Variants in TFCP2L1 observed in about 807,000 individuals in gnomAD.
TFCP2L1 encodes the protein transcription factor CP2 like 1.
A neutral mutation model predicts 72.2 loss-of-function variants in TFCP2L1; 12 were observed. That is an observed-to-expected ratio of 0.17 (90% CI 0.11 to 0.27). The LOEUF (loss-of-function observed/expected upper bound fraction) is 0.27. Ranked by LOEUF, TFCP2L1 falls within the 10% of genes least tolerant of loss-of-function variation. The probability of loss-of-function intolerance (pLI) is 1.00; values close to 1 mark genes in which losing one functional copy is unlikely to be tolerated. For missense variants in TFCP2L1, 488 were observed against 624.6 expected, an observed-to-expected ratio of 0.78 and a Z score of 2.33; for synonymous variants, 260 against 251.0, an observed-to-expected ratio of 1.04 and a Z score of -0.34.
At chr2:121,284,536 G>A (rs1162178384) in intron 1 of TFCP2L1, among the ~76,000 whole-genome samples, 1 of 152,228 alleles carries the variant, frequency 6.6e-6, no homozygotes, top group African/African-American at 2.4e-5. Context: ...GGGAAGTGGG[G>A]CGGCCTGCCC....
chr2:121,239,757 C>T, intron 7 of TFCP2L1, 108 bp from the exon 8 acceptor site: 1 of 1,081,840 alleles, frequency 9.2e-7, no homozygotes, highest in Non-Finnish European at 1.3e-6. Context: ...AGACCCCCAC[C>T]TGTGAAACGC....
chr2:121,242,602 T>TC, intron 6 of TFCP2L1, 133 bp from the exon 7 acceptor site: 1 of 768,560 alleles, frequency 1.3e-6, no homozygotes, highest in Non-Finnish European at 2.2e-6. Context: ...AGCACCTATC[T>TC]CCCCTCCCAT....
Position 121,246,906 on chromosome 2 carries a change from C to T in TFCP2L1, c.569G>A (p.Arg190Gln). ...KHGGEKGVPF[R>Q]VQIDTFKQNE... ...CTGCTTAAACGTGTCAATCTGGACT[C>T]GAAAGGGCACTCCCTTCTCGCCCCC... is the stretch of plus-strand genomic sequence containing the variant. The change falls in exon 6 of 15, where the codon CGA becomes CAA. Residue 190 changes from arginine to glutamine, a missense_variant. Arg to Gln is a conservative substitution (Grantham distance 43). Coordinates refer to ENST00000263707, the MANE Select transcript of TFCP2L1 (RefSeq NM_014553.3). The T allele has an allele frequency of 1.2e-6, 2 of 1,614,116 alleles. No homozygotes were observed. Among genetic ancestry groups the T allele is most frequent in the Non-Finnish European group, 1.7e-6 (2 of 1,180,020 alleles).
At chr2:121,250,505 A>G (rs2104707629) in intron 2 of TFCP2L1, among the ~76,000 whole-genome samples, 1 of 152,230 alleles carries the variant, frequency 6.6e-6, no homozygotes, top group African/African-American at 2.4e-5. Context: ...CCAAAATTAA[A>G]TACTGAACTA....
chr2:121,232,021 G>A (rs1430336069), intron 12 of TFCP2L1, 53 bp from the exon 13 acceptor site: 2 of 1,533,946 alleles, frequency 1.3e-6, no homozygotes, highest in East Asian at 2.4e-5. Context: ...CTGTCAGTGT[G>A]AGCCTCCCAC....
At chr2:121,257,290 T>C (rs1229989986) in intron 2 of TFCP2L1, among the ~76,000 whole-genome samples, 1 of 151,434 alleles carries the variant, frequency 6.6e-6, no homozygotes, top group African/African-American at 2.4e-5. Context: ...CCTACAGCTA[T>C]AGCCCGAGGG....
chr2:121,251,689 AC>A (rs1169784324), intron 2 of TFCP2L1, among the ~76,000 whole-genome samples: 8 of 152,216 alleles, frequency 5.3e-5, no homozygotes, highest in Non-Finnish European at 1.0e-4. Context: ...TGCTCCCTCT[AC>A]AAAAAAATAA....
At chr2:121,271,472 T>G (rs1411338242) in intron 2 of TFCP2L1, among the ~76,000 whole-genome samples, 1 of 152,214 alleles carries the variant, frequency 6.6e-6, no homozygotes, top group African/African-American at 2.4e-5. Context: ...GGAAAACATT[T>G]TTTTAAGTAA....
At chr2:121,257,280 C>G (rs1199889719) in intron 2 of TFCP2L1, among the ~76,000 whole-genome samples, 1 of 152,058 alleles carries the variant, frequency 6.6e-6, no homozygotes, top group African/African-American at 2.4e-5. Context: ...TCCTGCCTCC[C>G]CTACAGCTAT....
At chr2:121,273,498 T>C (rs1351486192) in intron 2 of TFCP2L1, among the ~76,000 whole-genome samples, 2 of 152,260 alleles carry the variant, frequency 1.3e-5, no homozygotes, top group Non-Finnish European at 2.9e-5. Flanking sequence ...GAGTTTGTTT[T>C]TCAAATCATT....
intron 2 of TFCP2L1, among the ~76,000 whole-genome samples, chr2:121,273,954 C>T (rs781223751): frequency 3.3e-5 from 5 of 152,034 alleles, no homozygotes; most frequent in Admixed American, 6.5e-5. Context: ...ATTAGCCTGG[C>T]GTGGTAGTGG....
intron 2 of TFCP2L1, among the ~76,000 whole-genome samples, chr2:121,253,126 C>T (rs1686643789): frequency 6.6e-6 from 1 of 152,266 alleles, no homozygotes; most frequent in African/African-American, 2.4e-5. Flanking sequence ...CAGCTCCCCA[C>T]CGGCCATGAC....
At chr2:121,242,083 C>CA (rs541937558) in intron 7 of TFCP2L1, among the ~76,000 whole-genome samples, 4,229 of 62,688 alleles carry the variant, frequency 0.067, 73 homozygotes, top group East Asian at 0.089. Context: ...ATTACCTACT[C>CA]AAAAAAAAAA....
At chr2:121,246,713 T>A (rs1276375882) in intron 6 of TFCP2L1, 105 bp downstream of exon 6, 2 of 1,455,136 alleles carry the variant, frequency 1.4e-6, no homozygotes, top group Non-Finnish European at 1.9e-6. Context: ...GGATGCTGCG[T>A]TCCTCGCTGG....
chr2:121,265,548 A>G (rs1686912847), intron 2 of TFCP2L1, among the ~76,000 whole-genome samples: 1 of 150,646 alleles, frequency 6.6e-6, no homozygotes, highest in African/African-American at 2.4e-5. Context: ...CAGCGGTGCA[A>G]TCTCGGCTCA....
At chr2:121,270,268 C>T (rs1455786866) in intron 2 of TFCP2L1, among the ~76,000 whole-genome samples, 3 of 152,186 alleles carry the variant, frequency 2.0e-5, no homozygotes, top group Non-Finnish European at 2.9e-5. Flanking sequence ...GGCTAGGCCT[C>T]GCAGTGAACA....
chr2:121,225,564 T>G lies in TFCP2L1; in HGVS notation c.1391A>C (p.Lys464Thr). ...CTAGGGGGAGGGGGAGGCTTCACCT[T>G]TAATTGTGCTGAGGACAAAACAGGA... ...DESCFVLSTIKAESNDGYHII... is the reference protein window; with the variant it reads ...DESCFVLSTITAESNDGYHII... Residue 464 changes from lysine to threonine, a missense_variant and splice_region_variant, in exon 14 of 15, where the codon AAA (lysine) becomes ACA (threonine). Physicochemically the swap from Lys to Thr is moderately conservative, Grantham distance 78. Coordinates refer to ENST00000263707, the MANE Select transcript of TFCP2L1 (RefSeq NM_014553.3). 1 of 1,614,092 alleles carries G rather than the reference T, an allele frequency of 6.2e-7. No homozygotes were observed. Among genetic ancestry groups the G allele is most frequent in the Middle Eastern group, 1.7e-4 (1 of 6,060 alleles).
intron 10 of TFCP2L1, among the ~76,000 whole-genome samples, chr2:121,236,243 T>A (rs934592643): frequency 6.6e-6 from 1 of 152,160 alleles, no homozygotes; most frequent in Non-Finnish European, 1.5e-5. Flanking sequence ...TTACACAAGG[T>A]GCGTGTCTGC....
At chr2:121,229,377 G>A (rs1686096528) in intron 13 of TFCP2L1, among the ~76,000 whole-genome samples, 1 of 152,172 alleles carries the variant, frequency 6.6e-6, no homozygotes, top group African/African-American at 2.4e-5. Flanking sequence ...GCTGTTCTAT[G>A]TTGCTTAACT....
Sources: allele counts gnomAD v4.1 joint callset (sites outside exome capture counted in the v4.1 genomes callset), GRCh38; gene constraint gnomAD v4.1.1; transcripts MANE v1.5; gene names NCBI Gene and HGNC (gene_info 2026-07-23, HGNC 2026-07-21).